Variants in PDE8A observed in about 807,000 individuals in gnomAD.
PDE8A encodes the protein phosphodiesterase 8A.
Under a neutral mutation model 105.0 loss-of-function variants are expected in PDE8A, and 59 were observed. The ratio of observed to expected loss-of-function variants is 0.56; its 90% CI spans 0.46 to 0.70. The LOEUF (loss-of-function observed/expected upper bound fraction) is 0.70. Ranked by LOEUF, PDE8A falls within the 30% of genes least tolerant of loss-of-function variation. The pLI is 0.00. For missense variants in PDE8A, 1,014 were observed against 1,045.9 expected, an observed-to-expected ratio of 0.97 and a Z score of 0.42; for synonymous variants, 355 against 371.9, an observed-to-expected ratio of 0.95 and a Z score of 0.52.
intron 17 of PDE8A, among the ~76,000 whole-genome samples, chr15:85,118,639 C>T (rs1159768473): frequency 3.3e-5 from 5 of 152,258 alleles, no homozygotes; most frequent in African/African-American, 1.2e-4. Flanking sequence ...CAACAATGAG[C>T]TCCTCTCATC....
intron 1 of PDE8A, among the ~76,000 whole-genome samples, chr15:84,993,039 T>TA (rs746876168): frequency 6.6e-6 from 1 of 152,162 alleles, no homozygotes; most frequent in Non-Finnish European, 1.5e-5. Context: ...AGGGAGTTTT[T>TA]AAAAAACCTT....
chr15:85,033,690 C>T (rs1338508956), intron 1 of PDE8A, among the ~76,000 whole-genome samples: 1 of 151,984 alleles, frequency 6.6e-6, no homozygotes, highest in South Asian at 2.1e-4. Context: ...TATGGTGAAA[C>T]CCCGTCTCTA....
chr15:84,982,654 G>T (rs954129873), intron 1 of PDE8A, among the ~76,000 whole-genome samples: 1 of 152,144 alleles, frequency 6.6e-6, no homozygotes, highest in Non-Finnish European at 1.5e-5. Flanking sequence ...TGACTGAGGC[G>T]CTTGCATCAA....
intron 1 of PDE8A, among the ~76,000 whole-genome samples, chr15:85,062,252 T>C (rs1022157495): frequency 9.3e-5 from 12 of 128,512 alleles, no homozygotes; most frequent in African/African-American, 5.1e-4. Flanking sequence ...TTTGCTGTTA[T>C]TGTTTTGTTT....
At chr15:85,127,130 T>A (rs2082269838) in intron 20 of PDE8A, among the ~76,000 whole-genome samples, 1 of 152,140 alleles carries the variant, frequency 6.6e-6, no homozygotes, top group Non-Finnish European at 1.5e-5. Flanking sequence ...CCCAGGAGGT[T>A]GAGGCTGCAG....
Position 85,029,412 on chromosome 15 carries a change from G to A in PDE8A, c.187-34958G>A, listed in dbSNP as rs967797585. Among the ~76,000 whole-genome samples the A allele has an allele frequency of 1.9e-4, 17 of 87,250 alleles. No homozygotes were observed. In the East Asian group the frequency reaches 3.6e-3, roughly 18 times the overall value. The allele number at this position is 87,250 out of a possible 152,430, so 57.2% of individuals were successfully genotyped here. A position where few individuals can be genotyped will look rare whatever the true frequency, so the allele number is the denominator to read the frequency against. ...CCCTTCAGATCTGTTTTGTCCTCAC[G>A]GGTCTTTTTTTTTTTTTTAATGACT... On this transcript the variant is annotated intron_variant, in intron 1 of 21. Coordinates refer to ENST00000394553, the MANE Select transcript of PDE8A (RefSeq NM_002605.3).
intron 1 of PDE8A, among the ~76,000 whole-genome samples, chr15:85,059,050 C>T (rs2081105248): frequency 6.6e-6 from 1 of 152,278 alleles, no homozygotes; most frequent in Admixed American, 6.5e-5. Context: ...GTTTTTGCTG[C>T]TACATCCCAT....
intron 1 of PDE8A, among the ~76,000 whole-genome samples, chr15:84,991,651 A>G (rs1405117912): frequency 1.3e-5 from 2 of 152,236 alleles, no homozygotes; most frequent in African/African-American, 4.8e-5. Context: ...TCAGAGCAGC[A>G]TTACTTTTAA....
intron 1 of PDE8A, among the ~76,000 whole-genome samples, chr15:85,052,739 G>A (rs2080996958): frequency 6.6e-6 from 1 of 152,140 alleles, no homozygotes; most frequent in Non-Finnish European, 1.5e-5. Context: ...TGTCAGATGG[G>A]TAGATTGTAA....
In PDE8A at chr15:85,136,471, G is replaced by A. The variant is rs2082411910; in HGVS notation, c.2254-63G>A. 3.2e-6 allele frequency: 5 copies of A among 1,543,358 alleles called. No homozygotes were observed. The Admixed American group carries it at 5.5e-5, about 17-fold the overall frequency. Reference sequence around the variant, plus strand: ...AGGAGAAGCTCTTCCTGGGGGAGGGGCTGCCCCTAGGTGGAGTGGAACCAG... The same window carrying A: ...AGGAGAAGCTCTTCCTGGGGGAGGGACTGCCCCTAGGTGGAGTGGAACCAG... On this transcript the variant is annotated intron_variant, in intron 20 of 21. Transcript: ENST00000394553.
At chr15:85,031,845 T>A (rs548151403) in intron 1 of PDE8A, among the ~76,000 whole-genome samples, 1 of 152,320 alleles carries the variant, frequency 6.6e-6, no homozygotes, top group South Asian at 2.1e-4. Context: ...CAGCTCTTCC[T>A]GTGTCTGACT....
At chr15:85,091,021 T>C in intron 7 of PDE8A, 23 bp from the exon 8 acceptor site, 1 of 1,591,540 alleles carries the variant, frequency 6.3e-7, no homozygotes, top group Non-Finnish European at 8.6e-7. Flanking sequence ...TCACTTTATG[T>C]TTTTTCTTTT....
At chr15:85,019,593 G>A (rs2080386367) in intron 1 of PDE8A, among the ~76,000 whole-genome samples, 1 of 151,558 alleles carries the variant, frequency 6.6e-6, no homozygotes, top group South Asian at 2.1e-4. Flanking sequence ...TTTTTGTTTT[G>A]TTTTGGAGTC....
chr15:85,092,281 G>A (rs980378518), intron 8 of PDE8A, among the ~76,000 whole-genome samples: 1 of 151,984 alleles, frequency 6.6e-6, no homozygotes, highest in African/African-American at 2.4e-5. Flanking sequence ...AGTAGGCACT[G>A]CTCTATTTTG....
intron 11 of PDE8A, among the ~76,000 whole-genome samples, chr15:85,105,259 T>C (rs1409415544): frequency 6.6e-6 from 1 of 152,072 alleles, no homozygotes; most frequent in Admixed American, 6.5e-5. Context: ...AAGTGAGCTT[T>C]CTTGGGAGGA....
At chr15:85,045,685 T>C (rs1596469659) in intron 1 of PDE8A, among the ~76,000 whole-genome samples, 1 of 152,210 alleles carries the variant, frequency 6.6e-6, no homozygotes, top group Non-Finnish European at 1.5e-5. Flanking sequence ...TTTGTACTCC[T>C]AGTATCTAGC....
chr15:85,121,128 C>G lies in PDE8A; in HGVS notation c.1952+114C>G, dbSNP rs1017021729. ...ACCCATTTAAAGTGCACAAAGTATACAGTGGGCCGGACATAGTGGCTCATG... is the reference window on the plus strand; with the variant it reads ...ACCCATTTAAAGTGCACAAAGTATAGAGTGGGCCGGACATAGTGGCTCATG... On this transcript the variant is annotated intron_variant, in intron 18 of 21. Transcript: ENST00000394553. The G allele has an allele frequency of 5.8e-6, 4 of 685,742 alleles. No homozygotes were observed. In the Admixed American group the frequency reaches 1.2e-4, roughly 20 times the overall value. 42.5% of individuals were successfully genotyped at this position (685,742 alleles called of 1,614,324 possible).
In PDE8A at chr15:85,054,468, A is replaced by G. The variant is rs373445872; in HGVS notation, c.187-9902A>G. 7.2e-5 allele frequency among the ~76,000 whole-genome samples: 11 copies of G among 151,930 alleles called. No individual in the cohort carries two copies. In the East Asian group the frequency reaches 9.6e-4, roughly 13 times the overall value. On this transcript the variant is annotated intron_variant, in intron 1 of 21. Transcript: ENST00000394553. The stretch of plus-strand genomic sequence containing the variant: ...AGGTACGGGACTTTTTTTGGTTGGT[A>G]GGCTATTATTGCCTCAACTTCAGAG...
chr15:85,007,909 G>A (rs1475777353), intron 1 of PDE8A, among the ~76,000 whole-genome samples: 1 of 152,202 alleles, frequency 6.6e-6, no homozygotes, highest in Non-Finnish European at 1.5e-5. Context: ...AGTGGTGCCT[G>A]TAGTGGAGTG....
Sources: gnomAD v4.1 joint callset for allele counts (sites outside exome capture counted in the v4.1 genomes callset) on GRCh38, gnomAD v4.1.1 for gene constraint, MANE v1.5 for transcripts, NCBI Gene and HGNC (gene_info 2026-07-23, HGNC 2026-07-21) for gene names.